Variants in PCDH17 observed in about 807,000 individuals in gnomAD.
PCDH17 encodes protocadherin-17.
PCDH17 carries 21 observed loss-of-function variants against 67.7 expected under a neutral mutation model. The observed-to-expected ratio is 0.31, with a 90% CI of 0.22 to 0.45. The LOEUF (loss-of-function observed/expected upper bound fraction) is 0.45. PCDH17 is among the 20% of genes least tolerant of loss of function. The pLI, the probability that PCDH17 is intolerant of heterozygous loss-of-function variation, is 1.00. For missense variants in PCDH17, 1,471 were observed against 1,564.8 expected (o/e 0.94, Z 1.01); for synonymous variants, 701 against 656.7 (o/e 1.07, Z -1.03).
At chr13:57,641,983 CTT>C (rs1025512236) in intron 1 of PCDH17, among the ~76,000 whole-genome samples, 1 of 151,406 alleles carries the variant, frequency 6.6e-6, no homozygotes, top group African/African-American at 2.4e-5. Context: ...ATTAAAATAA[CTT>C]AATGGTATTA....
intron 1 of PCDH17, among the ~76,000 whole-genome samples, chr13:57,658,819 G>A (rs942262960): frequency 6.7e-6 from 1 of 148,778 alleles, no homozygotes; most frequent in African/African-American, 2.5e-5. Flanking sequence ...TTGCTGTGTC[G>A]CCCAGGCTGG....
chr13:57,704,655 A>T (rs1029527819), intron 3 of PCDH17, among the ~76,000 whole-genome samples: 22 of 151,986 alleles, frequency 1.4e-4, no homozygotes, highest in African/African-American at 5.3e-4. Context: ...GTGACAAGGG[A>T]TAATTTGCTA....
chr13:57,652,284 CA>C (rs11435613), intron 1 of PCDH17, among the ~76,000 whole-genome samples: 16 of 117,222 alleles, frequency 1.4e-4, no homozygotes, highest in East Asian at 5.1e-4. Flanking sequence ...GACTCCGTCT[CA>C]AAAAAAAAAA....
chr13:57,634,021 G>T lies in PCDH17; in HGVS notation c.1475G>T (p.Gly492Val), dbSNP rs765788321. 7 of 1,613,396 alleles carry T rather than the reference G, an allele frequency of 4.3e-6. No individual in the cohort carries two copies. Among genetic ancestry groups the T allele is most frequent in the Non-Finnish European group, 5.9e-6 (7 of 1,180,008 alleles). The change falls in exon 1 of 4, where the codon GGC becomes GTC. Residue 492 changes from glycine (G) to valine (V), a missense_variant. Coordinates refer to ENST00000377918, the MANE Select transcript of PCDH17 (RefSeq NM_001040429.3). The surrounding 1 kb of genome is among the most constrained non-coding windows in gnomAD (Gnocchi z 7.8). ...AACAACATCCCGGGAGAGTACCTGGGCTCTGTGCTCGCCCAGGATCCCGAC... is the reference window on the plus strand; with the variant it reads ...AACAACATCCCGGGAGAGTACCTGGTCTCTGTGCTCGCCCAGGATCCCGAC... Reference protein sequence around the residue: ...HENNIPGEYLGSVLAQDPDLG... With the variant: ...HENNIPGEYLVSVLAQDPDLG...
At chr13:57,704,246 T>C (rs967563865) in intron 3 of PCDH17, among the ~76,000 whole-genome samples, 4 of 152,112 alleles carry the variant, frequency 2.6e-5, no homozygotes, top group Non-Finnish European at 4.4e-5. Flanking sequence ...GATTTCTCTC[T>C]TCTTTGTAGC....
intron 3 of PCDH17, among the ~76,000 whole-genome samples, chr13:57,718,546 T>C (rs1290712907): frequency 1.3e-5 from 2 of 152,042 alleles, no homozygotes; most frequent in African/African-American, 2.4e-5. Flanking sequence ...TGACTCACTC[T>C]ATTATTATAA....
intron 3 of PCDH17, among the ~76,000 whole-genome samples, chr13:57,694,450 C>T (rs779444697): frequency 4.0e-5 from 6 of 150,962 alleles, no homozygotes; most frequent in Non-Finnish European, 8.9e-5. Context: ...CCTGTGCATT[C>T]GTGTATATAC....
chr13:57,664,418 TTA>T (rs1955224397), intron 1 of PCDH17, among the ~76,000 whole-genome samples: 1 of 152,216 alleles, frequency 6.6e-6, no homozygotes, highest in South Asian at 2.1e-4. Context: ...CTTATGTTTC[TTA>T]TTTAATTAGA....
intron 3 of PCDH17, among the ~76,000 whole-genome samples, chr13:57,693,346 C>A (rs867446234): frequency 3.4e-3 from 166 of 49,484 alleles, no homozygotes; most frequent in African/African-American, 5.3e-3. Context: ...ATATATATAT[C>A]AAGGAGTTAG....
chr13:57,630,524 A>C (rs1363120302), upstream of PCDH17, among the ~76,000 whole-genome samples: 1 of 152,086 alleles, frequency 6.6e-6, no homozygotes, highest in Non-Finnish European at 1.5e-5. Context: ...ACTCTGAAAA[A>C]TTTCGGGGTA....
intron 1 of PCDH17, among the ~76,000 whole-genome samples, chr13:57,665,968 A>G (rs1436325782): frequency 1.3e-5 from 2 of 152,176 alleles, no homozygotes; most frequent in African/African-American, 4.8e-5. Context: ...AGATGCTTGT[A>G]TCCATTACTG....
chr13:57,673,332 C>T (rs775721326), intron 3 of PCDH17, among the ~76,000 whole-genome samples: 2 of 151,948 alleles, frequency 1.3e-5, no homozygotes, highest in African/African-American at 4.8e-5. Context: ...CCAGGAAAGG[C>T]CTACTCAAGA....
Position 57,633,360 on chromosome 13 carries a change from G to C in PCDH17, c.814G>C (p.Glu272Gln), listed in dbSNP as rs924208410. 6 of 1,613,172 alleles carry C rather than the reference G, an allele frequency of 3.7e-6. No individual in the cohort carries two copies. Among genetic ancestry groups the C allele is most frequent in the African/African-American group, 1.3e-5 (1 of 74,914 alleles). ...VIDLNATDADEGPNGEVLYSF... is the reference protein window; with the variant it reads ...VIDLNATDADQGPNGEVLYSF... Reference sequence around the variant, plus strand: ...CGATCTGAACGCCACCGACGCCGATGAAGGTCCCAATGGTGAAGTGCTCTA... The same window carrying C: ...CGATCTGAACGCCACCGACGCCGATCAAGGTCCCAATGGTGAAGTGCTCTA... Residue 272 changes from glutamate to glutamine, a missense_variant, in exon 1 of 4, where the codon GAA (glutamate) becomes CAA (glutamine). This residue lies in a region of PCDH17 where 1,163 missense variants were observed against 1,230.0 expected (regional missense o/e 0.95). Transcript: ENST00000377918. The surrounding 1 kb of genome is among the most constrained non-coding windows in gnomAD (Gnocchi z 6.2).
chr13:57,726,550 G>A lies in PCDH17; in HGVS notation c.*1256G>A, dbSNP rs371302208. The stretch of plus-strand genomic sequence containing the variant: ...CTCAGAGCAAAGTCTCTTGTTTAAT[G>A]TATAGTCTACCAAGTACTACAGTAC... On this transcript the variant is annotated 3_prime_UTR_variant, in exon 4 of 4. Transcript: ENST00000377918. 6.5e-6 allele frequency: 1 copy of A among 152,692 alleles called. No homozygotes were observed. Among genetic ancestry groups the A allele is most frequent in the East Asian group, 1.9e-4 (1 of 5,176 alleles). The allele number at this position is 152,692 out of a possible 1,614,324, so 9.5% of individuals were successfully genotyped here. A position where few individuals can be genotyped will look rare whatever the true frequency, so the allele number is the denominator to read the frequency against.
At chr13:57,647,591 T>C (rs1166676767) in intron 1 of PCDH17, among the ~76,000 whole-genome samples, 2 of 151,762 alleles carry the variant, frequency 1.3e-5, no homozygotes, top group Non-Finnish European at 3.0e-5. Flanking sequence ...CAGGGGTGGA[T>C]TGGATTGAGC....
intron 3 of PCDH17, among the ~76,000 whole-genome samples, chr13:57,668,665 A>T (rs1436273449): frequency 6.6e-6 from 1 of 152,106 alleles, no homozygotes; most frequent in African/African-American, 2.4e-5. Context: ...AAAAATGCCA[A>T]AGATGGCATA....
chr13:57,633,238 T>C lies in PCDH17; in HGVS notation c.692T>C (p.Val231Ala), dbSNP rs146049376. ...CGTTCCGCCACCGTACAGATCAACG[T>C]GAAGGTGATTGACTCCAACGACAAC... ...PPRSATVQINVKVIDSNDNSP... is the reference protein window; with the variant it reads ...PPRSATVQINAKVIDSNDNSP... Residue 231 changes from valine to alanine, a missense_variant, in exon 1 of 4, where the codon GTG becomes GCG. Physicochemically the swap from Val to Ala is moderately conservative, Grantham distance 64. Transcript: ENST00000377918. The surrounding 1 kb of genome is among the most constrained non-coding windows in gnomAD (Gnocchi z 6.2). 2 of 1,613,050 alleles carry C rather than the reference T, an allele frequency of 1.2e-6. No individual in the cohort carries two copies. The highest frequency in any genetic ancestry group is 1.7e-6 in the Non-Finnish European group (2 of 1,179,956).
chr13:57,702,092 A>C (rs1176713320), intron 3 of PCDH17, among the ~76,000 whole-genome samples: 1 of 151,764 alleles, frequency 6.6e-6, no homozygotes, highest in African/African-American at 2.4e-5. Context: ...TAATTTTTGT[A>C]TTTTTAGTAG....
intron 1 of PCDH17, among the ~76,000 whole-genome samples, chr13:57,652,272 GAGACTCCGTCTCAAAAAAAAAA>G (rs1232766480): frequency 1.7e-5 from 2 of 120,062 alleles, no homozygotes; most frequent in African/African-American, 6.7e-5. Flanking sequence ...GCGACAGAGC[GAGACTCCGTCTCAAAAAAAAAA>G]AAAAAAAAGA....
Sources: gnomAD v4.1 joint callset for allele counts (sites outside exome capture counted in the v4.1 genomes callset) on GRCh38, gnomAD v4.1.1 for gene constraint, gnomAD v4.1.1 regional missense constraint, Gnocchi (gnomAD v3.1) non-coding constraint, MANE v1.5 for transcripts, NCBI Gene and HGNC (gene_info 2026-07-23, HGNC 2026-07-21) for gene names.